The following JHY variants were observed in gnomAD, a reference collection of about 807,000 sequenced individuals.
JHY encodes junctional cadherin complex regulator.
JHY carries 69 observed loss-of-function variants against 78.0 expected under a neutral mutation model. That is an observed-to-expected ratio of 0.88 (90% CI 0.73 to 1.08). The LOEUF is 1.08. JHY is among the 50% of genes least tolerant of loss of function. The probability of loss-of-function intolerance (pLI) is 0.00; values close to 1 mark genes in which losing one functional copy is unlikely to be tolerated. For missense variants in JHY, 944 were observed against 927.8 expected (o/e 1.02, Z -0.23); for synonymous variants, 368 against 342.6 (o/e 1.07, Z -0.82).
chr11:122,903,969 C>T lies in JHY; in HGVS notation c.389C>T (p.Pro130Leu), dbSNP rs1354868604. 1.9e-6 allele frequency: 3 copies of T among 1,611,770 alleles called. No homozygotes were observed. Among genetic ancestry groups the T allele is most frequent in the African/African-American group, 2.7e-5 (2 of 74,846 alleles). ...AAATATTCAGACCTCCGCTATGACC[C>T]GAACTGGAAGAGTAAGAAGGAGGAA... ...EDKYSDLRYDPNWKSKKEEGQ... is the reference protein window; with the variant it reads ...EDKYSDLRYDLNWKSKKEEGQ... Residue 130 changes from proline to leucine, a missense_variant, in exon 3 of 9, where the codon CCG (proline) becomes CTG (leucine). Coordinates refer to ENST00000227349, the MANE Select transcript of JHY (RefSeq NM_024806.4).
At chr11:122,915,187 A>G (rs1391806471) in intron 3 of JHY, among the ~76,000 whole-genome samples, 1 of 152,178 alleles carries the variant, frequency 6.6e-6, no homozygotes, top group Non-Finnish European at 1.5e-5. Context: ...CACAGGTCAT[A>G]TTGCACCGTT....
chr11:122,940,006 C>T (rs1369068577), intron 5 of JHY, among the ~76,000 whole-genome samples: 2 of 149,694 alleles, frequency 1.3e-5, no homozygotes, highest in Admixed American at 6.7e-5. Context: ...AGTGTTCATA[C>T]ATTTCATTTA....
rs1565343864 is a variant in JHY, at chr11:122,962,158, C to A, written c.*2713C>A. Reference sequence around the variant, plus strand: ...TTGCAAGAATTCCCAGTCTTAAAATCATTACTGGAGAGTTTAATTTTCTAC... The same window carrying A: ...TTGCAAGAATTCCCAGTCTTAAAATAATTACTGGAGAGTTTAATTTTCTAC... On this transcript the variant is annotated 3_prime_UTR_variant, in exon 9 of 9. Transcript: ENST00000227349. Among the ~76,000 whole-genome samples the A allele has an allele frequency of 6.6e-6, 1 of 152,278 alleles. No individual in the cohort carries two copies. Among genetic ancestry groups the A allele is most frequent in the East Asian group, 1.9e-4 (1 of 5,188 alleles).
chr11:122,922,836 AC>A (rs1863405615), intron 3 of JHY, among the ~76,000 whole-genome samples: 1 of 148,940 alleles, frequency 6.7e-6, no homozygotes, highest in Non-Finnish European at 1.5e-5. Flanking sequence ...AAAAAAAAAA[AC>A]CAGCAGAGGG....
Position 122,960,952 on chromosome 11 carries a change from T to C in JHY, c.*1507T>C. ...TATCATATATCTGTGCAGAACATGA[T>C]GCGTTGAAAGGAACAAGAGCACATG... is the stretch of plus-strand genomic sequence containing the variant. On this transcript the variant is annotated 3_prime_UTR_variant, in exon 9 of 9. Coordinates refer to ENST00000227349, the MANE Select transcript of JHY (RefSeq NM_024806.4). 1 of 731,798 alleles carries C rather than the reference T, an allele frequency of 1.4e-6. No individual in the cohort carries two copies. Among genetic ancestry groups the C allele is most frequent in the East Asian group, 2.6e-5 (1 of 38,652 alleles). 45.3% of individuals were successfully genotyped at this position (731,798 alleles called of 1,614,324 possible).
chr11:122,924,655 A>T (rs1863454746), intron 3 of JHY, among the ~76,000 whole-genome samples: 3 of 152,210 alleles, frequency 2.0e-5, no homozygotes, highest in Admixed American at 1.3e-4. Context: ...ATGTAAAGTA[A>T]GTAATAGTTT....
chr11:122,954,786 C>T (rs1864156499), intron 6 of JHY, among the ~76,000 whole-genome samples: 1 of 149,784 alleles, frequency 6.7e-6, no homozygotes, highest in Non-Finnish European at 1.5e-5. Context: ...GTCTCATAAC[C>T]TGGCCTCAAA....
In JHY at chr11:122,927,916, A is replaced by C. The variant is rs545067307; in HGVS notation, c.978+2906A>C. Among the ~76,000 whole-genome samples, 125 of 151,822 alleles carry C rather than the reference A, an allele frequency of 8.2e-4. 1 individual carries two copies. The highest frequency in any genetic ancestry group is 2.8e-3 in the African/African-American group (115 of 41,410). ...CAGCTAATTTTTGTATTTTTAGTAGAGATGGGGTTTCACCATGTTGGCCAG... is the reference window on the plus strand; with the variant it reads ...CAGCTAATTTTTGTATTTTTAGTAGCGATGGGGTTTCACCATGTTGGCCAG... On this transcript the variant is annotated intron_variant, in intron 4 of 8. Coordinates refer to ENST00000227349, the MANE Select transcript of JHY (RefSeq NM_024806.4).
At chr11:122,891,834 C>T (rs996327523) in intron 2 of JHY, among the ~76,000 whole-genome samples, 10 of 152,036 alleles carry the variant, frequency 6.6e-5, no homozygotes, top group Non-Finnish European at 8.8e-5. Context: ...TCTCTCCAAA[C>T]GCTAAAGCCT....
intron 3 of JHY, among the ~76,000 whole-genome samples, chr11:122,924,442 T>C (rs1591384674): frequency 6.6e-6 from 1 of 152,160 alleles, no homozygotes; most frequent in African/African-American, 2.4e-5. Flanking sequence ...GTTGTGAGGA[T>C]TACCTGAGAA....
chr11:122,949,868 G>A (rs1565337414), intron 6 of JHY, among the ~76,000 whole-genome samples: 3 of 142,516 alleles, frequency 2.1e-5, no homozygotes, highest in African/African-American at 5.3e-5. Context: ...ACAGAATCTC[G>A]CTTCATCGCC....
intron 2 of JHY, among the ~76,000 whole-genome samples, chr11:122,890,057 G>C (rs1862577952): frequency 6.7e-6 from 1 of 148,448 alleles, no homozygotes; most frequent in African/African-American, 2.5e-5. Flanking sequence ...CCAGTTTCTT[G>C]TTTTTTTTTT....
chr11:122,951,429 G>T (rs933703485), intron 6 of JHY, among the ~76,000 whole-genome samples: 4 of 152,200 alleles, frequency 2.6e-5, no homozygotes, highest in Non-Finnish European at 5.9e-5. Flanking sequence ...ATTGCTGCTT[G>T]ACTGCTTCTA....
In JHY at chr11:122,935,148, A is replaced by G; in HGVS notation, c.1634+73A>G. 2.9e-6 allele frequency: 4 copies of G among 1,361,696 alleles called. No homozygotes were observed. The highest frequency in any genetic ancestry group is 3.0e-6 in the Non-Finnish European group (3 of 1,006,846). The allele number at this position is 1,361,696 out of a possible 1,614,324, so 84.4% of individuals were successfully genotyped here. ...ACTGCTGCAGAAAGACGGGAGAGGAAGAAGGGGAAGGGGAATCCATAAGGT... is the reference window on the plus strand; with the variant it reads ...ACTGCTGCAGAAAGACGGGAGAGGAGGAAGGGGAAGGGGAATCCATAAGGT... On this transcript the variant is annotated intron_variant, in intron 5 of 8. Transcript: ENST00000227349. This position sits in a 1 kb window ranked among gnomAD's most constrained non-coding sequence, Gnocchi z 4.5.
chr11:122,888,610 T>A (rs1862546536), intron 2 of JHY, among the ~76,000 whole-genome samples: 1 of 152,128 alleles, frequency 6.6e-6, no homozygotes, highest in Admixed American at 6.5e-5. Flanking sequence ...TAACCCTTAC[T>A]GCCATATTTG....
chr11:122,922,908 G>T (rs1863407170), intron 3 of JHY, among the ~76,000 whole-genome samples: 1 of 151,152 alleles, frequency 6.6e-6, no homozygotes, highest in Non-Finnish European at 1.5e-5. Context: ...CATACACTTT[G>T]CTGCTTCTCC....
chr11:122,920,383 G>T (rs1384290531), intron 3 of JHY, among the ~76,000 whole-genome samples: 1 of 152,142 alleles, frequency 6.6e-6, no homozygotes, highest in Non-Finnish European at 1.5e-5. Context: ...ATAAATTAAT[G>T]TGGGGCTCCC....
chr11:122,933,269 T>C (rs1204677765), intron 4 of JHY, among the ~76,000 whole-genome samples: 2 of 152,214 alleles, frequency 1.3e-5, no homozygotes. Flanking sequence ...TAATGTTTTA[T>C]AGATAAAAGC....
At chr11:122,957,270 GC>G in intron 7 of JHY, 92 bp from the exon 8 acceptor site, 1 of 1,374,142 alleles carries the variant, frequency 7.3e-7, no homozygotes, top group Non-Finnish European at 9.6e-7. Context: ...GATAAGATAC[GC>G]CCAGTATACT....
Sources: gnomAD v4.1 joint callset for allele counts (sites outside exome capture counted in the v4.1 genomes callset) on GRCh38, gnomAD v4.1.1 for gene constraint, Gnocchi (gnomAD v3.1) non-coding constraint, MANE v1.5 for transcripts, NCBI Gene and HGNC (gene_info 2026-07-23, HGNC 2026-07-21) for gene names.